The following PCDHAC1 variants were observed in gnomAD, a reference collection of about 807,000 sequenced individuals.
PCDHAC1 encodes protocadherin alpha-C1.
PCDHAC1 carries 42 observed loss-of-function variants against 60.0 expected under a neutral mutation model. The observed-to-expected ratio is 0.70, with a 90% CI of 0.55 to 0.90. The LOEUF (loss-of-function observed/expected upper bound fraction) is 0.90. PCDHAC1 is among the 40% of genes least tolerant of loss of function. The pLI, the probability that PCDHAC1 is intolerant of heterozygous loss-of-function variation, is 0.00. For missense variants in PCDHAC1, 1,160 were observed against 1,222.3 expected, an observed-to-expected ratio of 0.95 and a Z score of 0.76; for synonymous variants, 468 against 499.3, an observed-to-expected ratio of 0.94 and a Z score of 0.84.
chr5:140,945,927 G>A (rs1036727708), intron 1 of PCDHAC1, among the ~76,000 whole-genome samples: 1 of 152,038 alleles, frequency 6.6e-6, no homozygotes, highest in East Asian at 1.9e-4. Flanking sequence ...ACTGATCTGA[G>A]CAATGATGTT....
At chr5:140,967,236 T>C (rs142898054) in intron 1 of PCDHAC1, 53 of 1,613,562 alleles carry the variant, frequency 3.3e-5, no homozygotes, top group Non-Finnish European at 4.2e-5. Context: ...CAGCTTCAGG[T>C]AAGCGAATCG....
chr5:140,959,057 G>A (rs1437392976), intron 1 of PCDHAC1, among the ~76,000 whole-genome samples: 1 of 152,092 alleles, frequency 6.6e-6, no homozygotes, highest in Non-Finnish European at 1.5e-5. Context: ...AAAAAATGCA[G>A]TATATATAGA....
chr5:140,983,118 A>G (rs1251873984), intron 3 of PCDHAC1, among the ~76,000 whole-genome samples: 1 of 152,220 alleles, frequency 6.6e-6, no homozygotes, highest in African/African-American at 2.4e-5. Flanking sequence ...CATCAACAAC[A>G]TTCTGCAGAC....
Position 140,927,481 on chromosome 5 carries a change from G to C in PCDHAC1, c.589G>C (p.Ala197Pro). The C allele has an allele frequency of 1.2e-6, 2 of 1,614,072 alleles. No homozygotes were observed. The highest frequency in any genetic ancestry group is 1.7e-6 in the Non-Finnish European group (2 of 1,180,030). Residue 197 changes from alanine to proline, a missense_variant, in exon 1 of 4, where the codon GCC becomes CCC. Physicochemically the swap from Ala to Pro is conservative, Grantham distance 27. Coordinates refer to ENST00000253807, the MANE Select transcript of PCDHAC1 (RefSeq NM_018898.5). Reference sequence around the variant, plus strand: ...GAAAGCACTGGATCGCGAACAGCGCGCCACCCACCTGCTGGTGCTTACAGC... The same window carrying C: ...GAAAGCACTGGATCGCGAACAGCGCCCCACCCACCTGCTGGTGCTTACAGC... ...LEKALDREQR[A>P]THLLVLTARD...
chr5:140,971,943 A>T (rs2096507947), intron 1 of PCDHAC1, among the ~76,000 whole-genome samples: 1 of 152,186 alleles, frequency 6.6e-6, no homozygotes, highest in Non-Finnish European at 1.5e-5. Flanking sequence ...AGTTGTATCC[A>T]TCTGACTCCA....
At chr5:140,998,939 A>C (rs1299425979) in intron 3 of PCDHAC1, among the ~76,000 whole-genome samples, 2 of 152,248 alleles carry the variant, frequency 1.3e-5, no homozygotes, top group Admixed American at 1.3e-4. Flanking sequence ...CAGATGAAGA[A>C]ACTGTAAGTC....
chr5:140,970,423 G>A (rs2096404787), intron 1 of PCDHAC1, among the ~76,000 whole-genome samples: 1 of 151,762 alleles, frequency 6.6e-6, no homozygotes, highest in Admixed American at 6.6e-5. Context: ...AAGGTGTAGA[G>A]GCAGGTGTTA....
rs568722959 is a variant in PCDHAC1 at position 140,970,085 on chromosome 5, T to C, written c.2434-8864T>C. Among the ~76,000 whole-genome samples the C allele has an allele frequency of 2.6e-5, 4 of 151,946 alleles. No homozygotes were observed. The East Asian group carries it at 7.7e-4, about 29-fold the overall frequency. ...TATTAGAATGAGTGGATTAGGGGTG[T>C]GGGGGGATGGTGAAGACCAAGAGAA... is the stretch of plus-strand genomic sequence containing the variant. On this transcript the variant is annotated intron_variant, in intron 1 of 3. Coordinates refer to ENST00000253807, the MANE Select transcript of PCDHAC1 (RefSeq NM_018898.5).
chr5:140,971,263 C>T (rs1554233162), intron 1 of PCDHAC1, among the ~76,000 whole-genome samples: 1 of 152,186 alleles, frequency 6.6e-6, no homozygotes, highest in African/African-American at 2.4e-5. Flanking sequence ...CTATTTCTGT[C>T]TTACACTGAC....
chr5:140,959,060 T>C (rs1201389008), intron 1 of PCDHAC1, among the ~76,000 whole-genome samples: 1 of 152,138 alleles, frequency 6.6e-6, no homozygotes, highest in Admixed American at 6.5e-5. Context: ...AAATGCAGTA[T>C]ATATAGAATT....
chr5:140,988,623 T>C (rs147544785), intron 3 of PCDHAC1, among the ~76,000 whole-genome samples: 188 of 152,312 alleles, frequency 1.2e-3, no homozygotes, highest in African/African-American at 3.6e-3. Context: ...AGAATGGAGA[T>C]GTCCTGGTTT....
intron 1 of PCDHAC1, among the ~76,000 whole-genome samples, chr5:140,974,152 G>A (rs183558718): frequency 4.2e-4 from 64 of 152,284 alleles, no homozygotes; most frequent in Admixed American, 2.4e-3. Flanking sequence ...CTATACAAGG[G>A]TTTTTCTTTC....
chr5:140,936,337 C>G (rs1226552278), intron 1 of PCDHAC1, among the ~76,000 whole-genome samples: 17 of 152,160 alleles, frequency 1.1e-4, no homozygotes, highest in Non-Finnish European at 1.5e-5. Context: ...TTTTCTCTAT[C>G]TGCATATATG....
chr5:140,951,773 A>T (rs1554220071), intron 1 of PCDHAC1, among the ~76,000 whole-genome samples: 1 of 152,198 alleles, frequency 6.6e-6, no homozygotes, highest in East Asian at 1.9e-4. Context: ...TGACGTTCTT[A>T]CATTGCAAAA....
At chr5:140,988,851 C>T (rs2097316213) in intron 3 of PCDHAC1, 1 of 152,174 alleles carries the variant, frequency 6.6e-6, no homozygotes, top group Admixed American at 6.5e-5. Context: ...TGAAACCTAT[C>T]CAGTCTCATG....
At chr5:140,936,869 A>C (rs1249048598) in intron 1 of PCDHAC1, among the ~76,000 whole-genome samples, 3 of 152,168 alleles carry the variant, frequency 2.0e-5, no homozygotes, top group Non-Finnish European at 4.4e-5. Context: ...TTCTATTTTA[A>C]AAAACCCTGC....
At chr5:140,941,210 T>TCTTC (rs1480454721) in intron 1 of PCDHAC1, among the ~76,000 whole-genome samples, 3 of 100,630 alleles carry the variant, frequency 3.0e-5, no homozygotes, top group Non-Finnish European at 5.7e-5. Context: ...TTCCTTTCTT[T>TCTTC]CTTCCTTTCT....
At chr5:140,960,162 C>T (rs782387212) in intron 1 of PCDHAC1, among the ~76,000 whole-genome samples, 3 of 152,064 alleles carry the variant, frequency 2.0e-5, no homozygotes, top group Non-Finnish European at 4.4e-5. Context: ...ACTGATAATA[C>T]AATTCTTAAG....
rs2098423512 is a variant in PCDHAC1 at position 141,012,298 on chromosome 5, T to A, written c.*2361T>A. On this transcript the variant is annotated 3_prime_UTR_variant, in exon 4 of 4. Transcript: ENST00000253807. ...ATGTGGATTCATTTTGAATTGGTGC[T>A]ATTGGTATTTCCTCTGTTATTGCTA... is the stretch of plus-strand genomic sequence containing the variant. The A allele has an allele frequency of 6.5e-6, 1 of 153,804 alleles. No individual in the cohort carries two copies. Among genetic ancestry groups the A allele is most frequent in the Non-Finnish European group, 1.5e-5 (1 of 68,048 alleles). 9.5% of individuals were successfully genotyped at this position (153,804 alleles called of 1,614,324 possible). A position where few individuals can be genotyped will look rare whatever the true frequency, so the allele number is the denominator to read the frequency against.
Sources: gnomAD v4.1 joint callset for allele counts (sites outside exome capture counted in the v4.1 genomes callset) on GRCh38, gnomAD v4.1.1 for gene constraint, MANE v1.5 for transcripts, NCBI Gene and HGNC (gene_info 2026-07-23, HGNC 2026-07-21) for gene names.